The following DNAJC10 variants were observed in gnomAD, a reference collection of about 807,000 sequenced individuals.
DNAJC10 encodes the protein endoplasmic reticulum disulfide reductase DNAJC10.
In DNAJC10, 101 loss-of-function variants were observed where a neutral mutation model predicts 115.0. The observed-to-expected ratio is 0.88, with a 90% CI of 0.75 to 1.04. DNAJC10 has a LOEUF of 1.04. Among genes scored for constraint, DNAJC10 ranks in the 50% least tolerant of loss-of-function variants. DNAJC10 has a pLI of 0.00. For synonymous variants in DNAJC10, 307 were observed against 301.5 expected (o/e 1.02, Z -0.19); for missense variants, 981 against 928.8 (o/e 1.06, Z -0.73).
Position 182,753,621 on chromosome 2 carries a change from T to TGTCCA in DNAJC10, c.1552-1380_1552-1376dup, listed in dbSNP as rs1319548606. On this transcript the variant is annotated intron_variant, in intron 16 of 23. Transcript: ENST00000264065. ...TTTTTGAGACAGAGTCTTGCTCTGTTGTCCAGGCTGGAGTGCAGTGGTGCA... is the reference window on the plus strand; with the variant it reads ...TTTTTGAGACAGAGTCTTGCTCTGTTGTCCAGTCCAGGCTGGAGTGCAGTGGTGCA... 4.1e-5 allele frequency among the ~76,000 whole-genome samples: 6 copies of TGTCCA among 145,628 alleles called. No individual in the cohort carries two copies. In the East Asian group the frequency reaches 1.2e-3, roughly 30 times the overall value.
intron 14 of DNAJC10, among the ~76,000 whole-genome samples, chr2:182,744,293 A>G (rs1234311798): frequency 2.0e-5 from 3 of 152,214 alleles, no homozygotes; most frequent in Non-Finnish European, 4.4e-5. Flanking sequence ...TTAAGTGAAC[A>G]ACAGATACCG....
chr2:182,762,663 C>G lies in DNAJC10; in HGVS notation c.2146-19C>G. ...TTTATGCCAAACAGAAAATGGCAAA[C>G]TGTATTTTTCTTTTTCAGATGATTA... On this transcript the variant is annotated intron_variant, in intron 21 of 23. Transcript: ENST00000264065. 2.5e-6 allele frequency: 4 copies of G among 1,610,254 alleles called. No homozygotes were observed. Among genetic ancestry groups the G allele is most frequent in the Non-Finnish European group, 3.4e-6 (4 of 1,177,600 alleles).
intron 7 of DNAJC10, 74 bp downstream of exon 7, chr2:182,729,068 A>G: frequency 6.9e-7 from 1 of 1,456,204 alleles, no homozygotes; most frequent in Non-Finnish European, 9.5e-7. Context: ...AAATAACAGT[A>G]TGTAGAATTT....
Position 182,787,983 on chromosome 2 carries a change from C to T in DNAJC10, c.*10851C>T, listed in dbSNP as rs1313018032. ...TGTCTCTAAATTGAAGTAATGCTCA[C>T]ATAGAAAAATTAAGGCATATTATTT... On this transcript the variant is annotated 3_prime_UTR_variant, in exon 24 of 24. Transcript: ENST00000264065. 3 of 152,072 alleles carry T rather than the reference C, an allele frequency of 2.0e-5. No individual in the cohort carries two copies. Among genetic ancestry groups the T allele is most frequent in the Admixed American group, 2.0e-4 (3 of 15,270 alleles). 9.4% of individuals were successfully genotyped at this position (152,072 alleles called of 1,614,324 possible).
intron 14 of DNAJC10, among the ~76,000 whole-genome samples, chr2:182,745,051 T>C (rs946529824): frequency 2.0e-5 from 3 of 152,200 alleles, no homozygotes; most frequent in African/African-American, 7.2e-5. Flanking sequence ...CTTGTTGTGT[T>C]TGCAGTTATT....
At chr2:182,723,304 C>T (rs1411597486) in intron 5 of DNAJC10, among the ~76,000 whole-genome samples, 1 of 151,952 alleles carries the variant, frequency 6.6e-6, no homozygotes, top group Non-Finnish European at 1.5e-5. Context: ...CGTTGGCCTC[C>T]CAAAGTGCCA....
At position 182,720,131 on chromosome 2, in the gene DNAJC10, GC is replaced by G; in HGVS notation, c.331del (p.Gln111SerfsTer22). 1 of 1,611,122 alleles carries G rather than the reference GC, an allele frequency of 6.2e-7. No individual in the cohort carries two copies. Among genetic ancestry groups the G allele is most frequent in the Non-Finnish European group, 8.5e-7 (1 of 1,178,910 alleles). On this transcript the variant is annotated frameshift_variant, in exon 4 of 24. Transcript: ENST00000264065. LOFTEE classifies it high-confidence loss of function. ...AAGGGACTTGAGGATAATCAAGGTG[GC>G]CAGTATGAAAGCTGGAACTATTATC... is the stretch of plus-strand genomic sequence containing the variant. Reference protein sequence around the residue: ...GEKGLEDNQGGQYESWNYYRY... With the variant: ...GEKGLEDNQGXQYESWNYYRY...
rs1340689567 is a variant in DNAJC10 at position 182,778,614 on chromosome 2, T to C, written c.*1482T>C. ...CAGTATTTCCTCATAAGGGTTATTA[T>C]AGCCATAATTAATGTTAAAATAGAC... On this transcript the variant is annotated 3_prime_UTR_variant, in exon 24 of 24. Coordinates refer to ENST00000264065, the MANE Select transcript of DNAJC10 (RefSeq NM_018981.4). The C allele has an allele frequency of 6.6e-6, 1 of 152,200 alleles. No individual in the cohort carries two copies. The highest frequency in any genetic ancestry group is 1.9e-4 in the East Asian group (1 of 5,202). The allele number at this position is 152,200 out of a possible 1,614,324, so 9.4% of individuals were successfully genotyped here.
At position 182,719,250 on chromosome 2, in the gene DNAJC10, C is replaced by CTTTTTT. The variant is rs57284693; in HGVS notation, c.205-739_205-734dup. ...TTCCGATCCAATTTTGGATTGTTTTCTTTTTTTTTTTTTTTTTTTTTTTGA... is the reference window on the plus strand; with the variant it reads ...TTCCGATCCAATTTTGGATTGTTTTCTTTTTTTTTTTTTTTTTTTTTTTTTTTTTGA... On this transcript the variant is annotated intron_variant, in intron 3 of 23. Transcript: ENST00000264065. 2.8e-3 allele frequency among the ~76,000 whole-genome samples: 236 copies of CTTTTTT among 83,654 alleles called. 6 individuals carry two copies. The highest frequency in any genetic ancestry group is 8.3e-3 in the African/African-American group (175 of 21,180). 54.9% of individuals were successfully genotyped at this position (83,654 alleles called of 152,430 possible).
intron 19 of DNAJC10, 24 bp downstream of exon 19, chr2:182,757,849 G>T: frequency 2.3e-6 from 3 of 1,301,978 alleles, no homozygotes; most frequent in South Asian, 1.4e-5. Context: ...CATATTTGAA[G>T]ACATTTATTA....
chr2:182,760,642 C>A (rs540086819), intron 21 of DNAJC10, among the ~76,000 whole-genome samples: 4 of 152,212 alleles, frequency 2.6e-5, no homozygotes, highest in Admixed American at 6.5e-5. Flanking sequence ...TTATTAGTGA[C>A]CTAATCCAGA....
At chr2:182,762,657 G>T in intron 21 of DNAJC10, 25 bp from the exon 22 acceptor site, 1 of 1,609,440 alleles carries the variant, frequency 6.2e-7, no homozygotes, top group South Asian at 1.1e-5. Flanking sequence ...AACAGAAAAT[G>T]GCAAACTGTA....
chr2:182,757,455 TAAATG>T (rs532196745), intron 18 of DNAJC10, among the ~76,000 whole-genome samples: 25 of 152,200 alleles, frequency 1.6e-4, no homozygotes, highest in Admixed American at 4.6e-4. Context: ...ATGTAACAGT[TAAATG>T]AAATAAATTG....
intron 9 of DNAJC10, among the ~76,000 whole-genome samples, chr2:182,732,114 A>G (rs1187669987): frequency 6.6e-6 from 1 of 152,110 alleles, no homozygotes; most frequent in African/African-American, 2.4e-5. Context: ...TTGTATTTTG[A>G]GGATCCTTTA....
At chr2:182,741,208 A>G (rs1332524586) in intron 12 of DNAJC10, 35 bp from the exon 13 acceptor site, 2 of 1,397,790 alleles carry the variant, frequency 1.4e-6, no homozygotes, top group African/African-American at 1.4e-5. Context: ...AGAATTTCCC[A>G]TCTCTGACAT....
At position 182,743,654 on chromosome 2, in the gene DNAJC10, T is replaced by TCAGCCGTCTCTAG; in HGVS notation, c.1252_1264dup (p.Val422AlafsTer7). 1 of 1,613,814 alleles carries TCAGCCGTCTCTAG rather than the reference T, an allele frequency of 6.2e-7. No individual in the cohort carries two copies. The highest frequency in any genetic ancestry group is 8.5e-7 in the Non-Finnish European group (1 of 1,179,836). On this transcript the variant is annotated frameshift_variant, in exon 14 of 24. Coordinates refer to ENST00000264065, the MANE Select transcript of DNAJC10 (RefSeq NM_018981.4). LOFTEE classifies it high-confidence loss of function. Reference sequence around the variant, plus strand: ...ACATCTGTAGTAATCTGTATGTTTTTCAGCCGTCTCTAGCAGTATTTAAAG... The same window carrying TCAGCCGTCTCTAG: ...ACATCTGTAGTAATCTGTATGTTTTTCAGCCGTCTCTAGCAGCCGTCTCTAGCAGTATTTAAAG...
At chr2:182,719,635 C>A (rs562681680) in intron 3 of DNAJC10, among the ~76,000 whole-genome samples, 11 of 152,050 alleles carry the variant, frequency 7.2e-5, no homozygotes, top group Admixed American at 2.0e-4. Flanking sequence ...AAATAACCTA[C>A]AAATGTATTG....
In DNAJC10 at chr2:182,732,502, G is replaced by C; in HGVS notation, c.809G>C (p.Cys270Ser). Residue 270 changes from cysteine (C) to serine (S), a missense_variant, in exon 10 of 24, where the codon TGT becomes TCT. Transcript: ENST00000264065. Reference protein sequence around the residue: ...LITFCSKGGDCLTSQTRLRLS... With the variant: ...LITFCSKGGDSLTSQTRLRLS... ...CATAAGGTTTTTTTGTCCCCAGATT[G>C]TTTGACTTCACAGACACGACTCAGG... 1.2e-6 allele frequency: 2 copies of C among 1,613,294 alleles called. No individual in the cohort carries two copies. The highest frequency in any genetic ancestry group is 1.7e-6 in the Non-Finnish European group (2 of 1,179,460).
intron 19 of DNAJC10, 71 bp from the exon 20 acceptor site, chr2:182,758,766 A>G (rs1216766753): frequency 1.8e-6 from 2 of 1,094,330 alleles, no homozygotes; most frequent in African/African-American, 1.6e-5. Flanking sequence ...AATTGCTACA[A>G]TAAGATTGTT....
Sources: allele counts gnomAD v4.1 joint callset (sites outside exome capture counted in the v4.1 genomes callset), GRCh38; gene constraint gnomAD v4.1.1; transcripts MANE v1.5; gene names NCBI Gene and HGNC (gene_info 2026-07-23, HGNC 2026-07-21).